The following MUC20 variants were observed in gnomAD, a reference collection of about 807,000 sequenced individuals.
MUC20 encodes mucin 20, cell surface associated, also known as mucin-20.
Under a neutral mutation model 23.8 loss-of-function variants are expected in MUC20, and 14 were observed. The observed-to-expected ratio is 0.59, with a 90% confidence interval of 0.39 to 0.92. MUC20 has a LOEUF of 0.92. Ranked by LOEUF, MUC20 falls within the 40% of genes least tolerant of loss-of-function variation. The pLI is 0.00. For synonymous variants in MUC20, 166 were observed against 279.3 expected, an observed-to-expected ratio of 0.59 and a Z score of 4.04; for missense variants, 375 against 668.8, an observed-to-expected ratio of 0.56 and a Z score of 4.85.
intron 3 of MUC20, among the ~76,000 whole-genome samples, chr3:195,732,151 G>T (rs147844358): frequency 6.7e-6 from 1 of 149,784 alleles, no homozygotes; most frequent in African/African-American, 2.5e-5. Flanking sequence ...TTACAGGCCC[G>T]CACCACCATA....
In MUC20 at chr3:195,726,496, A is replaced by G. The variant is rs546246793; in HGVS notation, c.1893A>G (p.Ser631=). The change falls in exon 2 of 4, where the codon TCA becomes TCG. Residue 631 remains serine, a synonymous_variant. Coordinates refer to ENST00000447234, the MANE Select transcript of MUC20 (RefSeq NM_001282506.2). ...GCACCTTAGCCAAGATCACAACCTC[A>G]GCGAAGACCACGATGAAGCCCCCAA... ...TNSTLAKITT[S]AKTTMKPPTA... 1.9e-6 allele frequency: 3 copies of G among 1,614,052 alleles called. No homozygotes were observed. Among genetic ancestry groups the G allele is most frequent in the Admixed American group, 1.7e-5 (1 of 60,034 alleles).
intron 1 of MUC20, among the ~76,000 whole-genome samples, chr3:195,721,333 G>A (rs1374100425): frequency 6.6e-6 from 1 of 152,154 alleles, no homozygotes; most frequent in Non-Finnish European, 1.5e-5. Flanking sequence ...AAGCGTGCCT[G>A]GCGCTGCAGT....
intron 3 of MUC20, among the ~76,000 whole-genome samples, chr3:195,732,416 A>G (rs1336717648): frequency 3.3e-5 from 5 of 149,420 alleles, no homozygotes; most frequent in Non-Finnish European, 7.4e-5. Flanking sequence ...CTGGAGTGCA[A>G]TGGCACGATC....
Position 195,733,387 on chromosome 3 carries a change from C to A in MUC20, c.*169C>A. The A allele has an allele frequency of 6.8e-7, 1 of 1,462,632 alleles. No homozygotes were observed. The highest frequency in any genetic ancestry group is 1.4e-5 in the South Asian group (1 of 69,930). 90.6% of individuals were successfully genotyped at this position (1,462,632 alleles called of 1,614,324 possible). A position where few individuals can be genotyped will look rare whatever the true frequency, so the allele number is the denominator to read the frequency against. On this transcript the variant is annotated 3_prime_UTR_variant, in exon 4 of 4. Transcript: ENST00000447234. ...CCTGACCCCAGATGTGGCAACAGGACCCTCGCTCACATCCACCGGAGTGTA... is the reference window on the plus strand; with the variant it reads ...CCTGACCCCAGATGTGGCAACAGGAACCTCGCTCACATCCACCGGAGTGTA...
At chr3:195,729,984 TG>T in intron 3 of MUC20, 1 of 542,838 alleles carries the variant, frequency 1.8e-6, no homozygotes, top group Non-Finnish European at 3.2e-6. Context: ...CAGTTTCTTC[TG>T]GTCCTTGGAA....
rs915457938 is a variant in MUC20, at chr3:195,733,297, T to G, written c.*79T>G. 89 of 1,549,432 alleles carry G rather than the reference T, an allele frequency of 5.7e-5. No individual in the cohort carries two copies. The highest frequency in any genetic ancestry group is 7.5e-5 in the Non-Finnish European group (86 of 1,145,922). On this transcript the variant is annotated 3_prime_UTR_variant, in exon 4 of 4. Coordinates refer to ENST00000447234, the MANE Select transcript of MUC20 (RefSeq NM_001282506.2). The stretch of plus-strand genomic sequence containing the variant: ...CTAGCCTGGGCCCCCACCGACAGAC[T>G]GCAGCTGCGTTACTGTGCTGAGAGG...
Position 195,729,730 on chromosome 3 carries a change from G to A in MUC20, c.2052G>A (p.Leu684=), listed in dbSNP as rs1339594949. 1 of 1,595,240 alleles carries A rather than the reference G, an allele frequency of 6.3e-7. No homozygotes were observed. Among genetic ancestry groups the A allele is most frequent in the Admixed American group, 1.7e-5 (1 of 57,806 alleles). ...DLTDPRVAER[L]MQQLHRELHA... The stretch of plus-strand genomic sequence containing the variant: ...CTGACCCCAGAGTGGCAGAAAGGCT[G>A]ATGCAGCAGGTGAGTGGGCACTTTC... Residue 684 remains leucine, a synonymous_variant, in exon 3 of 4, where the codon CTG becomes CTA. Transcript: ENST00000447234.
chr3:195,727,572 G>A (rs1360659134), intron 2 of MUC20, among the ~76,000 whole-genome samples: 1 of 152,276 alleles, frequency 6.6e-6, no homozygotes, highest in Admixed American at 6.5e-5. Context: ...TGTATCCGCA[G>A]CTTGTTACCA....
At chr3:195,731,944 G>A (rs1288193463) in intron 3 of MUC20, among the ~76,000 whole-genome samples, 1 of 152,232 alleles carries the variant, frequency 6.6e-6, no homozygotes, top group African/African-American at 2.4e-5. Flanking sequence ...AGTAGCGAGT[G>A]TGAATCCTTG....
intron 2 of MUC20, among the ~76,000 whole-genome samples, chr3:195,727,782 TGTGCC>T (rs1316165723): frequency 6.6e-6 from 1 of 152,250 alleles, no homozygotes. Flanking sequence ...TGCCAGGCAG[TGTGCC>T]ACCGGCTTTG....
chr3:195,730,509 C>T (rs1713277992), intron 3 of MUC20, among the ~76,000 whole-genome samples: 1 of 150,464 alleles, frequency 6.6e-6, no homozygotes. Context: ...CCACGCCCAA[C>T]TAATTTTTAT....
chr3:195,726,127 A>G lies in MUC20; in HGVS notation c.1524A>G (p.Arg508=). 6.2e-7 allele frequency: 1 copy of G among 1,608,756 alleles called. No individual in the cohort carries two copies. The highest frequency in any genetic ancestry group is 1.1e-5 in the South Asian group (1 of 90,910). ...TPLPTNSATE[R]EVTAPGATTL... ...TCCCCACTAACAGCGCCACAGAAAGAGAAGTGACAGCACCCGGGGCCACGA... is the reference window on the plus strand; with the variant it reads ...TCCCCACTAACAGCGCCACAGAAAGGGAAGTGACAGCACCCGGGGCCACGA... Residue 508 remains arginine, a synonymous_variant, in exon 2 of 4, where the codon AGA becomes AGG. Transcript: ENST00000447234.
intron 2 of MUC20, among the ~76,000 whole-genome samples, chr3:195,726,794 G>A (rs1712736457): frequency 1.3e-5 from 2 of 152,272 alleles, no homozygotes; most frequent in Non-Finnish European, 2.9e-5. Flanking sequence ...CGGAGAAATG[G>A]TTTGCGGTCT....
intron 2 of MUC20, among the ~76,000 whole-genome samples, chr3:195,727,216 A>G (rs1023552220): frequency 2.0e-5 from 3 of 152,274 alleles, no homozygotes; most frequent in African/African-American, 7.2e-5. Flanking sequence ...GCTGACCAAC[A>G]TGGTGAAACC....
intron 3 of MUC20, among the ~76,000 whole-genome samples, chr3:195,731,452 G>T (rs1713379942): frequency 2.6e-5 from 4 of 152,250 alleles, no homozygotes; most frequent in Admixed American, 2.6e-4. Flanking sequence ...GTAAAAGGGG[G>T]ATTTGTTGGC....
chr3:195,729,314 CTTTT>C (rs10575022), intron 2 of MUC20: 12,792 of 171,308 alleles, frequency 0.075, 34 homozygotes, highest in Middle Eastern at 0.11. Flanking sequence ...TCATCCTCCT[CTTTT>C]TTTTTTTTTT....
chr3:195,726,630 C>G (rs1467443374), intron 2 of MUC20, 58 bp downstream of exon 2: 1 of 1,553,150 alleles, frequency 6.4e-7, no homozygotes, highest in African/African-American at 1.4e-5. Flanking sequence ...TCCAGGACGT[C>G]TCCGCACTTG....
intron 3 of MUC20, among the ~76,000 whole-genome samples, chr3:195,732,917 C>T (rs991448977): frequency 7.9e-5 from 12 of 152,376 alleles, no homozygotes; most frequent in South Asian, 4.1e-4. Context: ...TTATTCTATG[C>T]GACTTTCATC....
chr3:195,726,884 G>A (rs1213857970), intron 2 of MUC20, among the ~76,000 whole-genome samples: 3 of 152,244 alleles, frequency 2.0e-5, no homozygotes, highest in African/African-American at 7.2e-5. Context: ...ACCTGTATTT[G>A]GAGAGGGTTG....
Sources: gnomAD v4.1 joint callset for allele counts (sites outside exome capture counted in the v4.1 genomes callset) on GRCh38, gnomAD v4.1.1 for gene constraint, MANE v1.5 for transcripts, NCBI Gene and HGNC (gene_info 2026-07-23, HGNC 2026-07-21) for gene names.